Variants in APOH observed in about 807,000 individuals in gnomAD.
APOH encodes apolipoprotein H.
APOH carries 48 observed loss-of-function variants against 39.8 expected under a neutral mutation model. That is an observed-to-expected ratio of 1.21 (90% CI 0.96 to 1.54). The LOEUF (loss-of-function observed/expected upper bound fraction) is 1.54. APOH is among the 40% of genes most tolerant of loss of function. APOH has a pLI of 0.00. For synonymous variants in APOH, 153 were observed against 151.1 expected (o/e 1.01, Z -0.09); for missense variants, 415 against 421.2 (o/e 0.99, Z 0.13).
At chr17:66,224,591 AAG>A (rs1221044844) in intron 3 of APOH, among the ~76,000 whole-genome samples, 3 of 143,656 alleles carry the variant, frequency 2.1e-5, no homozygotes, top group African/African-American at 8.0e-5. Flanking sequence ...GAGGGAGGGA[AAG>A]AGAAAGAAAG....
At chr17:66,225,402 T>A (rs2073433460) in intron 3 of APOH, among the ~76,000 whole-genome samples, 1 of 152,194 alleles carries the variant, frequency 6.6e-6, no homozygotes, top group South Asian at 2.1e-4. Flanking sequence ...ACTGTCACAC[T>A]CCCAACCTTC....
chr17:66,228,996 C>A (rs1015628679), intron 1 of APOH, among the ~76,000 whole-genome samples: 7 of 151,762 alleles, frequency 4.6e-5, no homozygotes, highest in Non-Finnish European at 1.0e-4. Context: ...TCACGCCCGG[C>A]TAATTTTTGT....
At chr17:66,220,788 T>G (rs1310825063) in intron 4 of APOH, 46 bp from the exon 5 acceptor site, 1 of 1,517,810 alleles carries the variant, frequency 6.6e-7, no homozygotes, top group Non-Finnish European at 9.0e-7. Context: ...AGTTAAGGCT[T>G]TTAAATATAC....
intron 6 of APOH, among the ~76,000 whole-genome samples, chr17:66,216,375 T>G (rs1051206233): frequency 2.0e-5 from 3 of 151,180 alleles, no homozygotes; most frequent in South Asian, 2.1e-4. Flanking sequence ...TCCCAGCTAC[T>G]CGGGAGGCTG....
At chr17:66,217,344 A>AACC (rs2073371764) in intron 5 of APOH, among the ~76,000 whole-genome samples, 3 of 125,806 alleles carry the variant, frequency 2.4e-5, no homozygotes, top group Admixed American at 8.2e-5. Context: ...CAAAGACTGA[A>AACC]CCCCCCCCCC....
In APOH at chr17:66,216,587, A is replaced by G. The variant is rs368178106; in HGVS notation, c.784+201T>C. Among the ~76,000 whole-genome samples, 15 of 152,212 alleles carry G rather than the reference A, an allele frequency of 9.9e-5. No homozygotes were observed. In the East Asian group the frequency reaches 2.9e-3, roughly 29 times the overall value. ...ACCAATGCTTACAAAGGATCTGTTT[A>G]TTTCATACTGTTTAAGGTCAAGGAT... is the stretch of plus-strand genomic sequence containing the variant. On this transcript the variant is annotated intron_variant, in intron 6 of 7. Transcript: ENST00000205948.
Position 66,216,895 on chromosome 17 carries a change from T to C in APOH, c.677A>G (p.Tyr226Cys), listed in dbSNP as rs765421555. 5 of 1,613,346 alleles carry C rather than the reference T, an allele frequency of 3.1e-6. No homozygotes were observed. The South Asian group carries it at 5.5e-5, about 18-fold the overall frequency. The change falls in exon 6 of 8, where the codon TAC becomes TGC. Residue 226 changes from tyrosine to cysteine, a missense_variant. By Grantham distance (194) the Tyr-to-Cys change is radical. Coordinates refer to ENST00000205948, the MANE Select transcript of APOH (RefSeq NM_000042.3). ...VNYPAKPTLY[Y>C]KDKATFGCHD... is the part of the protein sequence containing the mutation. ...GCAGCCAAATGTGGCTTTATCCTTGTAATAAAGTGTTGGTTTTGCAGGATA... is the reference window on the plus strand; with the variant it reads ...GCAGCCAAATGTGGCTTTATCCTTGCAATAAAGTGTTGGTTTTGCAGGATA...
chr17:66,225,332 G>A (rs764719546), intron 3 of APOH, among the ~76,000 whole-genome samples: 1 of 152,054 alleles, frequency 6.6e-6, no homozygotes, highest in Non-Finnish European at 1.5e-5. Context: ...GCTCCCAGAT[G>A]AGCCTGTGCC....
intron 7 of APOH, among the ~76,000 whole-genome samples, chr17:66,213,141 T>C (rs1300114254): frequency 6.6e-6 from 1 of 152,228 alleles, no homozygotes; most frequent in Non-Finnish European, 1.5e-5. Flanking sequence ...CTTTGTCTGC[T>C]CCCTACTGTC....
intron 3 of APOH, among the ~76,000 whole-genome samples, chr17:66,224,250 C>T (rs1003485623): frequency 8.6e-5 from 13 of 151,142 alleles, no homozygotes; most frequent in Admixed American, 2.0e-4. Context: ...CCGAGATGGG[C>T]GGATCACTTG....
chr17:66,214,824 G>A (rs2073355088), intron 6 of APOH, among the ~76,000 whole-genome samples, 174 bp from the exon 7 acceptor site: 1 of 150,960 alleles, frequency 6.6e-6, no homozygotes, highest in Admixed American at 6.6e-5. Flanking sequence ...GCAGTTCTCT[G>A]TCAATAGAAC....
chr17:66,213,764 C>G (rs1234411641), intron 7 of APOH, among the ~76,000 whole-genome samples: 1 of 152,052 alleles, frequency 6.6e-6, no homozygotes, highest in Non-Finnish European at 1.5e-5. Context: ...ATGGCATAAT[C>G]TCTTCTCTAA....
rs2073451574 is a variant in APOH, at chr17:66,228,209, A to T, written c.65-13T>A. 6.2e-7 allele frequency: 1 copy of T among 1,606,894 alleles called. No individual in the cohort carries two copies. Among genetic ancestry groups the T allele is most frequent in the Admixed American group, 1.7e-5 (1 of 58,992 alleles). Reference sequence around the variant, plus strand: ...GGCTTGGGACAGGCTGAAAGAGGGCACAAAGCAGATGGTTAACAAATCTCT... The same window carrying T: ...GGCTTGGGACAGGCTGAAAGAGGGCTCAAAGCAGATGGTTAACAAATCTCT... On this transcript the variant is annotated splice_polypyrimidine_tract_variant and intron_variant, in intron 1 of 7. Transcript: ENST00000205948.
chr17:66,213,644 G>A (rs958480780), intron 7 of APOH, among the ~76,000 whole-genome samples: 2 of 152,128 alleles, frequency 1.3e-5, no homozygotes, highest in Non-Finnish European at 2.9e-5. Context: ...TTACAGAAAA[G>A]ACTTAGAAAA....
chr17:66,218,871 G>A (rs1040353547), intron 5 of APOH, among the ~76,000 whole-genome samples: 48 of 152,070 alleles, frequency 3.2e-4, no homozygotes, highest in African/African-American at 9.4e-4. Flanking sequence ...TTAGCTGGGC[G>A]TGGTGGCAGG....
In APOH at chr17:66,223,778, C is replaced by A; in HGVS notation, c.339-4G>T. 2.5e-6 allele frequency: 4 copies of A among 1,613,890 alleles called. No individual in the cohort carries two copies. Among genetic ancestry groups the A allele is most frequent in the Non-Finnish European group, 3.4e-6 (4 of 1,179,796 alleles). On this transcript the variant is annotated splice_polypyrimidine_tract_variant and splice_region_variant and intron_variant, in intron 3 of 7. Transcript: ENST00000205948. ...ATCAGCGCCATTCAGATAAAACCTG[C>A]AAAAGGAAAATTCATTCTATCAAGG... is the stretch of plus-strand genomic sequence containing the variant.
chr17:66,220,562 T>C lies in APOH; in HGVS notation c.596A>G (p.Glu199Gly). 6.2e-7 allele frequency: 1 copy of C among 1,614,000 alleles called. No individual in the cohort carries two copies. Among genetic ancestry groups the C allele is most frequent in the African/African-American group, 1.3e-5 (1 of 75,060 alleles). ...TTHGNWTKLP[E>G]CREVKCPFPS... ...CTGATCATTGCACTTACCCCTGCAT[T>C]CTGGTAATTTAGTCCAATTTCCATG... The change falls in exon 5 of 8, where the codon GAA (glutamate) becomes GGA (glycine). Residue 199 changes from glutamate to glycine, a missense_variant. Physicochemically the swap from Glu to Gly is moderately conservative, Grantham distance 98. Around this residue, in one of 3 missense-constraint regions of APOH, gnomAD observed 288 missense variants for 284.9 expected, o/e 1.01. Coordinates refer to ENST00000205948, the MANE Select transcript of APOH (RefSeq NM_000042.3).
chr17:66,212,426 C>T (rs1567737099), intron 7 of APOH, among the ~76,000 whole-genome samples: 1 of 152,168 alleles, frequency 6.6e-6, no homozygotes, highest in East Asian at 1.9e-4. Context: ...GCCCTGTTGC[C>T]CAGGTTGGAG....
intron 5 of APOH, among the ~76,000 whole-genome samples, chr17:66,220,241 T>C (rs1410912294): frequency 6.6e-6 from 1 of 152,156 alleles, no homozygotes; most frequent in East Asian, 1.9e-4. Context: ...GTCTCCCCCA[T>C]GTGTGGTATG....
Sources: allele counts gnomAD v4.1 joint callset (sites outside exome capture counted in the v4.1 genomes callset), GRCh38; gene constraint gnomAD v4.1.1; regional missense constraint gnomAD v4.1.1; transcripts MANE v1.5; gene names NCBI Gene and HGNC (gene_info 2026-07-23, HGNC 2026-07-21).